Variants in IPMK observed in about 807,000 individuals in gnomAD.
IPMK encodes the protein inositol 1,3,4,6-tetrakisphosphate 5-kinase.
IPMK carries 17 observed loss-of-function variants against 45.8 expected under a neutral mutation model. The ratio of observed to expected loss-of-function variants is 0.37; its 90% CI spans 0.25 to 0.56. The LOEUF (loss-of-function observed/expected upper bound fraction) is 0.56. Ranked by LOEUF, IPMK falls within the 20% of genes least tolerant of loss-of-function variation. The pLI is 0.79. For missense variants in IPMK, 399 were observed against 498.0 expected (o/e 0.80, Z 1.89); for synonymous variants, 180 against 184.3 (o/e 0.98, Z 0.19).
chr10:58,202,025 C>G (rs2132144008), intron 4 of IPMK, among the ~76,000 whole-genome samples: 1 of 152,314 alleles, frequency 6.6e-6, no homozygotes, highest in Middle Eastern at 3.4e-3. Flanking sequence ...TGCAAACTAG[C>G]AAAGGCTGGT....
At chr10:58,219,564 CACTT>C (rs1838299121) in intron 3 of IPMK, among the ~76,000 whole-genome samples, 1 of 152,218 alleles carries the variant, frequency 6.6e-6, no homozygotes, top group Non-Finnish European at 1.5e-5. Flanking sequence ...CAGGCAGCCT[CACTT>C]ACAAAGCAAT....
intron 1 of IPMK, among the ~76,000 whole-genome samples, chr10:58,266,987 G>A (rs1839156680): frequency 6.6e-6 from 1 of 152,170 alleles, no homozygotes; most frequent in South Asian, 2.1e-4. Context: ...GCTGCACCCA[G>A]CAGAGAAGTA....
intron 1 of IPMK, among the ~76,000 whole-genome samples, chr10:58,245,611 CAAA>C (rs35191082): frequency 8.0e-6 from 1 of 124,748 alleles, no homozygotes. Context: ...GACTCTGTCT[CAAA>C]AAAAAAAAAA....
At chr10:58,204,281 C>T (rs2653504) in intron 4 of IPMK, among the ~76,000 whole-genome samples, 51,080 of 151,278 alleles carry the variant, frequency 0.34, 10,797 homozygotes, top group African/African-American at 0.61. Context: ...CACGTAAATA[C>T]GTAACAAAAA....
intron 1 of IPMK, among the ~76,000 whole-genome samples, chr10:58,264,519 C>G (rs1480486460): frequency 2.0e-5 from 3 of 152,088 alleles, no homozygotes; most frequent in Non-Finnish European, 4.4e-5. Context: ...TTTTAAAGAA[C>G]TTAATGATAC....
At chr10:58,227,388 G>T (rs1326875535) in intron 2 of IPMK, among the ~76,000 whole-genome samples, 1 of 152,156 alleles carries the variant, frequency 6.6e-6, no homozygotes, top group Non-Finnish European at 1.5e-5. Context: ...GTAAGTTATA[G>T]ATACTGATAG....
chr10:58,267,366 CAG>C (rs1839164264), intron 1 of IPMK, 54 bp downstream of exon 1: 6 of 1,578,464 alleles, frequency 3.8e-6, no homozygotes, highest in African/African-American at 1.3e-5. Context: ...CCTCCGCTGA[CAG>C]GGGGCTCGCA....
chr10:58,266,646 C>T (rs369796104), intron 1 of IPMK, among the ~76,000 whole-genome samples: 2 of 152,144 alleles, frequency 1.3e-5, no homozygotes, highest in Non-Finnish European at 2.9e-5. Flanking sequence ...CCCAGGGAAC[C>T]ACTACGGGTA....
chr10:58,247,711 C>T (rs542992645), intron 1 of IPMK, among the ~76,000 whole-genome samples: 6 of 151,896 alleles, frequency 4.0e-5, no homozygotes, highest in South Asian at 2.1e-4. Flanking sequence ...TGCTAGATGG[C>T]GAGTTAGTGA....
chr10:58,217,453 C>T (rs917449678), intron 3 of IPMK, among the ~76,000 whole-genome samples: 2 of 151,476 alleles, frequency 1.3e-5, no homozygotes, highest in Non-Finnish European at 2.9e-5. Context: ...CTTTGGGAGG[C>T]CGAGGCAGGT....
chr10:58,201,101 T>C (rs1698473), intron 4 of IPMK, among the ~76,000 whole-genome samples: 22,736 of 152,142 alleles, frequency 0.15, 2,328 homozygotes, highest in African/African-American at 0.29. Flanking sequence ...GTAGGTTTTG[T>C]AATAAACATA....
At position 58,216,194 on chromosome 10, in the gene IPMK, C is replaced by T. The variant is rs1838242276; in HGVS notation, c.497G>A (p.Ser166Asn). 1.2e-6 allele frequency: 2 copies of T among 1,611,656 alleles called. No homozygotes were observed. The highest frequency in any genetic ancestry group is 3.4e-5 in the Admixed American group (2 of 59,592). ...AATCTCTTCCATTAATGGGTACTTG[C>T]TGACCTGTTGCTGAATCTTCTCAGA... ...ASSEKIQQQVSKYPLMEEIGF... is the reference protein window; with the variant it reads ...ASSEKIQQQVNKYPLMEEIGF... The change falls in exon 4 of 6, where the codon AGC becomes AAC. Residue 166 changes from serine to asparagine, a missense_variant. Ser to Asn is a conservative substitution (Grantham distance 46, BLOSUM62 1). Around this residue, in one of 2 missense-constraint regions of IPMK, gnomAD observed 288 missense variants for 398.0 expected, o/e 0.72. Coordinates refer to ENST00000373935, the MANE Select transcript of IPMK (RefSeq NM_152230.5).
intron 4 of IPMK, among the ~76,000 whole-genome samples, chr10:58,211,763 A>G (rs1838162944): frequency 7.1e-6 from 1 of 141,340 alleles, no homozygotes; most frequent in South Asian, 2.2e-4. Context: ...AAAAAAAAAA[A>G]TCAGCCAAGT....
chr10:58,256,556 C>T (rs925547387), intron 1 of IPMK, among the ~76,000 whole-genome samples: 3 of 152,122 alleles, frequency 2.0e-5, no homozygotes, highest in Non-Finnish European at 2.9e-5. Context: ...TGCCCTTCTG[C>T]CCTTGTAATC....
At chr10:58,247,608 G>A (rs1838821262) in intron 1 of IPMK, among the ~76,000 whole-genome samples, 1 of 128,438 alleles carries the variant, frequency 7.8e-6, no homozygotes, top group Non-Finnish European at 1.6e-5. Flanking sequence ...TGAACAATGA[G>A]AACACATGGA....
At chr10:58,241,155 T>C (rs1032068554) in intron 1 of IPMK, among the ~76,000 whole-genome samples, 1 of 152,060 alleles carries the variant, frequency 6.6e-6, no homozygotes, top group African/African-American at 2.4e-5. Context: ...AGGAAACTCA[T>C]ACAAACGACT....
intron 1 of IPMK, among the ~76,000 whole-genome samples, chr10:58,244,391 CT>C (rs1838759322): frequency 6.7e-6 from 1 of 149,050 alleles, no homozygotes; most frequent in Non-Finnish European, 1.5e-5. Context: ...TGCCCGGCCG[CT>C]CCTCGTCTGG....
chr10:58,264,701 A>T (rs1204579303), intron 1 of IPMK, among the ~76,000 whole-genome samples: 1 of 152,210 alleles, frequency 6.6e-6, no homozygotes, highest in Admixed American at 6.5e-5. Flanking sequence ...TGAAAAGTCT[A>T]AAAATCTATG....
At chr10:58,197,605 G>A (rs1004409117) in intron 5 of IPMK, among the ~76,000 whole-genome samples, 1 of 147,008 alleles carries the variant, frequency 6.8e-6, no homozygotes, top group Non-Finnish European at 1.5e-5. Context: ...AGCCGAGATC[G>A]CCCCACTGCA....
Sources: allele counts gnomAD v4.1 joint callset (sites outside exome capture counted in the v4.1 genomes callset), GRCh38; gene constraint gnomAD v4.1.1; regional missense constraint gnomAD v4.1.1; transcripts MANE v1.5; gene names NCBI Gene and HGNC (gene_info 2026-07-23, HGNC 2026-07-21).